Variants in STK39 observed in about 807,000 individuals in gnomAD.
STK39 encodes serine/threonine kinase 39, also known as STE20/SPS1-related proline-alanine-rich protein kinase.
Under a neutral mutation model 77.8 loss-of-function variants are expected in STK39, and 20 were observed. That is an observed-to-expected ratio of 0.26 (90% CI 0.18 to 0.37). STK39 has a LOEUF of 0.37. Ranked by LOEUF, STK39 falls within the 10% of genes least tolerant of loss-of-function variation. STK39 has a pLI of 1.00. For synonymous variants in STK39, 246 were observed against 234.1 expected (o/e 1.05, Z -0.47); for missense variants, 479 against 656.5 (o/e 0.73, Z 2.95).
chr2:168,043,079 C>A (rs549354927), intron 14 of STK39, among the ~76,000 whole-genome samples: 2 of 152,158 alleles, frequency 1.3e-5, no homozygotes, highest in African/African-American at 4.8e-5. Flanking sequence ...CTGGCCCCTC[C>A]GTCCCCACCG....
At chr2:168,181,275 C>T (rs1689077488) in intron 2 of STK39, among the ~76,000 whole-genome samples, 1 of 152,088 alleles carries the variant, frequency 6.6e-6, no homozygotes. Flanking sequence ...TGAGATTAAA[C>T]CCTCAAACCC....
intron 1 of STK39, among the ~76,000 whole-genome samples, chr2:168,219,899 T>C (rs1475683069): frequency 1.3e-5 from 2 of 151,992 alleles, no homozygotes; most frequent in Non-Finnish European, 2.9e-5. Flanking sequence ...AATTTTGATT[T>C]ACAAGTTTAC....
intron 5 of STK39, among the ~76,000 whole-genome samples, chr2:168,154,919 T>C (rs1281028058): frequency 6.6e-6 from 1 of 152,082 alleles, no homozygotes; most frequent in Non-Finnish European, 1.5e-5. Flanking sequence ...AACGAAAAAA[T>C]AAGCAAAGGA....
At position 168,163,768 on chromosome 2, in the gene STK39, G is replaced by C. The variant is rs1477612129; in HGVS notation, c.543C>G (p.Asp181Glu). ...TILKEVLEGLDYLHRNGQIHR... is the reference protein window; with the variant it reads ...TILKEVLEGLEYLHRNGQIHR... ...GAATCTGACCGTTTCTGTGTAGATA[G>C]TCTAAGCCTTCCAAAACCTCTTTAA... The change falls in exon 4 of 18, where the codon GAC (aspartate) becomes GAG (glutamate). Residue 181 changes from aspartate (D) to glutamate (E), a missense_variant. Asp to Glu is a conservative substitution (Grantham distance 45, BLOSUM62 2). Transcript: ENST00000355999. The C allele has an allele frequency of 1.2e-6, 2 of 1,613,522 alleles. No homozygotes were observed. Among genetic ancestry groups the C allele is most frequent in the African/African-American group, 2.7e-5 (2 of 74,792 alleles).
intron 16 of STK39, among the ~76,000 whole-genome samples, chr2:167,988,218 A>T (rs1232132779): frequency 6.6e-6 from 1 of 152,162 alleles, no homozygotes; most frequent in East Asian, 1.9e-4. Flanking sequence ...GGTGCCCCTT[A>T]TGCATGGAGT....
intron 10 of STK39, among the ~76,000 whole-genome samples, chr2:168,116,174 T>C (rs1687254232): frequency 6.6e-6 from 1 of 152,148 alleles, no homozygotes; most frequent in Non-Finnish European, 1.5e-5. Flanking sequence ...CTCACAGCTT[T>C]CCACAAAGTC....
intron 1 of STK39, among the ~76,000 whole-genome samples, chr2:168,218,413 A>G (rs547526043): frequency 6.6e-6 from 1 of 152,344 alleles, no homozygotes. Context: ...AAGTCCTATC[A>G]TCAAAAATAG....
intron 16 of STK39, among the ~76,000 whole-genome samples, chr2:168,006,674 T>G (rs949085532): frequency 6.6e-6 from 1 of 152,190 alleles, no homozygotes; most frequent in Admixed American, 6.5e-5. Flanking sequence ...TCTTGCAAAC[T>G]TTTTTAAACC....
At chr2:168,036,012 A>G (rs1684942929) in intron 14 of STK39, among the ~76,000 whole-genome samples, 1 of 152,226 alleles carries the variant, frequency 6.6e-6, no homozygotes, top group Non-Finnish European at 1.5e-5. Flanking sequence ...AAATAAATGT[A>G]TAACACAGCG....
intron 5 of STK39, among the ~76,000 whole-genome samples, chr2:168,160,010 G>C (rs1406288501): frequency 6.6e-6 from 1 of 152,118 alleles, no homozygotes; most frequent in Non-Finnish European, 1.5e-5. Flanking sequence ...TGTGATGGAA[G>C]GAAAAAGCCA....
chr2:168,212,945 T>C (rs971913824), intron 1 of STK39, among the ~76,000 whole-genome samples: 3 of 152,218 alleles, frequency 2.0e-5, no homozygotes, highest in Non-Finnish European at 4.4e-5. Flanking sequence ...GACTCCAGGA[T>C]AGCCATTATG....
intron 1 of STK39, among the ~76,000 whole-genome samples, chr2:168,183,524 T>C (rs1393436205): frequency 6.6e-6 from 1 of 152,184 alleles, no homozygotes; most frequent in Non-Finnish European, 1.5e-5. Flanking sequence ...TGTGCTTTTG[T>C]TCTACTTCCC....
chr2:168,173,588 C>T (rs951536886), intron 2 of STK39, among the ~76,000 whole-genome samples: 1 of 151,724 alleles, frequency 6.6e-6, no homozygotes, highest in East Asian at 1.9e-4. Context: ...TGGAGTTTTG[C>T]TCCTTGTTGC....
intron 2 of STK39, 101 bp downstream of exon 2, chr2:168,181,877 T>C (rs1250839567): frequency 4.3e-5 from 41 of 947,350 alleles, no homozygotes; most frequent in Non-Finnish European, 6.1e-5. Context: ...GAAATGCATA[T>C]GTCAAAACTG....
chr2:168,220,024 C>T (rs1690126436), intron 1 of STK39, among the ~76,000 whole-genome samples: 2 of 151,992 alleles, frequency 1.3e-5, no homozygotes, highest in Admixed American at 6.6e-5. Context: ...CCTTCCTTTG[C>T]TTGAGTATTT....
chr2:168,209,155 C>T (rs1334364267), intron 1 of STK39, among the ~76,000 whole-genome samples: 1 of 152,100 alleles, frequency 6.6e-6, no homozygotes, highest in African/African-American at 2.4e-5. Context: ...CCTTTGCACC[C>T]CTAGGCCCGT....
chr2:168,084,656 C>G (rs1012423338), intron 10 of STK39, among the ~76,000 whole-genome samples: 2 of 152,210 alleles, frequency 1.3e-5, no homozygotes, highest in African/African-American at 2.4e-5. Context: ...GATTTCCAGG[C>G]AGCCACTTAA....
intron 14 of STK39, among the ~76,000 whole-genome samples, chr2:168,045,593 C>CA (rs1685219066): frequency 6.6e-6 from 1 of 152,098 alleles, no homozygotes; most frequent in Non-Finnish European, 1.5e-5. Context: ...GTAACTTGCC[C>CA]AGCAGGAGTT....
chr2:168,082,329 G>A (rs1686256075), intron 10 of STK39, among the ~76,000 whole-genome samples: 2 of 152,130 alleles, frequency 1.3e-5, no homozygotes, highest in African/African-American at 2.4e-5. Flanking sequence ...CACTGTCAAC[G>A]TTTTGCTAAA....
Sources: allele counts gnomAD v4.1 joint callset (sites outside exome capture counted in the v4.1 genomes callset), GRCh38; gene constraint gnomAD v4.1.1; transcripts MANE v1.5; gene names NCBI Gene and HGNC (gene_info 2026-07-23, HGNC 2026-07-21).